Variants in LPP observed in about 807,000 individuals in gnomAD.
LPP encodes LIM domain containing preferred translocation partner in lipoma.
In LPP, 38 loss-of-function variants were observed where a neutral mutation model predicts 60.4. The observed-to-expected ratio is 0.63, with a 90% CI of 0.49 to 0.83. The LOEUF is 0.83. Ranked by LOEUF, LPP falls within the 40% of genes least tolerant of loss-of-function variation. The pLI is 0.00. For synonymous variants in LPP, 328 were observed against 290.8 expected (o/e 1.13, Z -1.30); for missense variants, 902 against 783.6 (o/e 1.15, Z -1.80).
At chr3:188,800,889 G>A (rs1409998097) in intron 9 of LPP, among the ~76,000 whole-genome samples, 1 of 151,882 alleles carries the variant, frequency 6.6e-6, no homozygotes, top group Non-Finnish European at 1.5e-5. Flanking sequence ...TTTTTGGTTT[G>A]GTTATTCATG....
At chr3:188,521,039 G>A (rs765725370) in intron 5 of LPP, among the ~76,000 whole-genome samples, 4 of 152,094 alleles carry the variant, frequency 2.6e-5, no homozygotes, top group Admixed American at 6.5e-5. Flanking sequence ...CTACAGATTC[G>A]TGGCAGGACT....
chr3:188,792,387 T>C (rs189719096), intron 9 of LPP, among the ~76,000 whole-genome samples: 5 of 152,258 alleles, frequency 3.3e-5, no homozygotes, highest in African/African-American at 1.2e-4. Flanking sequence ...GCTCACTGCC[T>C]CCTCCTCAGA....
rs557352467 is a variant in LPP at position 188,636,224 on chromosome 3, C to T, written c.1113+26380C>T. 9.8e-5 allele frequency among the ~76,000 whole-genome samples: 15 copies of T among 152,304 alleles called. No homozygotes were observed. In the South Asian group the frequency reaches 2.7e-3, roughly 27 times the overall value. On this transcript the variant is annotated intron_variant, in intron 7 of 11. Transcript: ENST00000617246. ...GCACCGTGTGCGAGCCGAAGCAGGG[C>T]GAGGCATTGCCTCACTCGGGAAGCG...
intron 6 of LPP, among the ~76,000 whole-genome samples, chr3:188,605,269 G>A (rs1221094046): frequency 6.6e-6 from 1 of 152,140 alleles, no homozygotes; most frequent in Non-Finnish European, 1.5e-5. Context: ...GATTGTAGTA[G>A]TGGAAATGGT....
At chr3:188,730,219 G>T (rs1719943642) in intron 8 of LPP, among the ~76,000 whole-genome samples, 1 of 152,154 alleles carries the variant, frequency 6.6e-6, no homozygotes, top group South Asian at 2.1e-4. Flanking sequence ...TTACTTAAGA[G>T]GTTGTATGTG....
intron 4 of LPP, among the ~76,000 whole-genome samples, chr3:188,419,813 A>T (rs60533143): frequency 6.6e-6 from 1 of 152,304 alleles, no homozygotes; most frequent in African/African-American, 2.4e-5. Flanking sequence ...TCACTTGAAC[A>T]CAGAAGGTGG....
At chr3:188,347,311 A>T (rs2150747152) in intron 3 of LPP, among the ~76,000 whole-genome samples, 1 of 152,360 alleles carries the variant, frequency 6.6e-6, no homozygotes, top group East Asian at 1.9e-4. Flanking sequence ...AAGATCATAC[A>T]TTATGAATTA....
intron 3 of LPP, among the ~76,000 whole-genome samples, chr3:188,345,480 T>G (rs898362275): frequency 1.3e-5 from 2 of 152,148 alleles, no homozygotes; most frequent in African/African-American, 2.4e-5. Flanking sequence ...AGCTCCTGTT[T>G]CCTGCACATT....
intron 3 of LPP, among the ~76,000 whole-genome samples, chr3:188,382,321 G>C (rs1381517879): frequency 6.6e-6 from 1 of 152,176 alleles, no homozygotes; most frequent in African/African-American, 2.4e-5. Context: ...TATTTGCCTA[G>C]AGATCAGTAG....
chr3:188,520,833 C>T (rs1261142251), intron 5 of LPP, among the ~76,000 whole-genome samples: 1 of 152,164 alleles, frequency 6.6e-6, no homozygotes, highest in African/African-American at 2.4e-5. Flanking sequence ...TCAGGAGAAT[C>T]TTCCTTGTTG....
intron 2 of LPP, among the ~76,000 whole-genome samples, chr3:188,278,251 G>T (rs1740692989): frequency 6.6e-6 from 1 of 152,090 alleles, no homozygotes; most frequent in Admixed American, 6.6e-5. Flanking sequence ...GTAATGGCAG[G>T]GTCAGACTTA....
chr3:188,628,367 GAACA>G (rs1009542934), intron 7 of LPP, among the ~76,000 whole-genome samples: 9 of 150,924 alleles, frequency 6.0e-5, no homozygotes, highest in Admixed American at 4.6e-4. Context: ...GATTAATAAA[GAACA>G]AACAAAGAGA....
chr3:188,411,370 G>A (rs1043805460), intron 4 of LPP, among the ~76,000 whole-genome samples: 9 of 152,044 alleles, frequency 5.9e-5, no homozygotes, highest in African/African-American at 1.2e-4. Flanking sequence ...ACTAAAGAAC[G>A]AAAGTAGACA....
At chr3:188,197,307 T>G (rs1729810615) in intron 1 of LPP, among the ~76,000 whole-genome samples, 1 of 152,120 alleles carries the variant, frequency 6.6e-6, no homozygotes, top group African/African-American at 2.4e-5. Context: ...GCCCATTCCC[T>G]GCTCAATACC....
At chr3:188,856,165 G>A (rs576260457) in intron 9 of LPP, among the ~76,000 whole-genome samples, 24 of 152,302 alleles carry the variant, frequency 1.6e-4, no homozygotes, top group African/African-American at 4.8e-4. Context: ...ACAGAGAACT[G>A]TATGAGACTT....
At chr3:188,433,631 G>T (rs571349200) in intron 4 of LPP, among the ~76,000 whole-genome samples, 7 of 140,732 alleles carry the variant, frequency 5.0e-5, no homozygotes, top group Non-Finnish European at 1.1e-4. Context: ...AGAGAGAGGA[G>T]AAAGGAGAGA....
chr3:188,760,435 T>TGTGTGTGTGTGTGCGCGC (rs777127864), intron 9 of LPP, among the ~76,000 whole-genome samples, 153 bp downstream of exon 9: 18 of 151,196 alleles, frequency 1.2e-4, no homozygotes, highest in Non-Finnish European at 2.4e-4. Context: ...TGTGTGTGTG[T>TGTGTGTGTGTGTGCGCGC]GCGTGCGCGC....
intron 4 of LPP, among the ~76,000 whole-genome samples, chr3:188,467,993 G>A (rs1800892852): frequency 7.2e-5 from 11 of 152,130 alleles, no homozygotes; most frequent in Admixed American, 7.2e-4. Flanking sequence ...ACAATATCAT[G>A]TTAAAATGAT....
At chr3:188,753,337 T>C (rs1728702636) in intron 8 of LPP, among the ~76,000 whole-genome samples, 1 of 152,226 alleles carries the variant, frequency 6.6e-6, no homozygotes, top group Non-Finnish European at 1.5e-5. Context: ...CAGCGAAACA[T>C]GCTTGCTTTT....
Sources: gnomAD v4.1 joint callset for allele counts (sites outside exome capture counted in the v4.1 genomes callset) on GRCh38, gnomAD v4.1.1 for gene constraint, MANE v1.5 for transcripts, NCBI Gene and HGNC (gene_info 2026-07-23, HGNC 2026-07-21) for gene names.